TEX11: variants seen among roughly 807,000 people sequenced by gnomAD.
The protein encoded by TEX11 is testis-expressed protein 11.
In TEX11, 7 loss-of-function variants were observed where a neutral mutation model predicts 84.4. The observed-to-expected ratio is 0.08, with a 90% CI of 0.05 to 0.16. The LOEUF is 0.16. TEX11 is among the 10% of genes least tolerant of loss of function. The pLI, the probability that TEX11 is intolerant of heterozygous loss-of-function variation, is 1.00. For synonymous variants in TEX11, 264 were observed against 222.8 expected (o/e 1.18, Z -1.64); for missense variants, 551 against 660.5 (o/e 0.83, Z 1.82).
chrX:70,661,808 C>T (rs2089930835), intron 16 of TEX11, among the ~76,000 whole-genome samples: 1 of 112,096 alleles, frequency 8.9e-6, no homozygotes. Context: ...GCTGAGGGTC[C>T]TGTCTGTTAG....
intron 24 of TEX11, 106 bp downstream of exon 24, chrX:70,605,295 G>C: frequency 8.0e-6 from 4 of 498,807 alleles, no homozygotes; most frequent in Non-Finnish European, 1.3e-5. Context: ...TGCTGGAGTG[G>C]AGAAAAGGAT....
intron 17 of TEX11, among the ~76,000 whole-genome samples, chrX:70,648,483 A>G (rs1479531773): frequency 3.6e-5 from 4 of 111,123 alleles, no homozygotes; most frequent in Non-Finnish European, 7.5e-5. Flanking sequence ...TTATTTGCCA[A>G]TTAAAAAAAT....
chrX:70,559,030 T>C (rs1313432544), intron 25 of TEX11, among the ~76,000 whole-genome samples: 2 of 111,820 alleles, frequency 1.8e-5, no homozygotes, highest in Non-Finnish European at 1.9e-5. Flanking sequence ...TGATTAAACA[T>C]AGGGTTACCA....
chrX:70,600,540 C>G (rs113530466), intron 24 of TEX11, among the ~76,000 whole-genome samples: 12,380 of 109,766 alleles, frequency 0.11, 603 homozygotes, highest in Middle Eastern at 0.2. Flanking sequence ...ACAGAACTCT[C>G]CACCCCAAAT....
At chrX:70,790,546 T>A (rs2091111577) in intron 9 of TEX11, among the ~76,000 whole-genome samples, 1 of 112,345 alleles carries the variant, frequency 8.9e-6, no homozygotes, top group Admixed American at 9.4e-5. Flanking sequence ...AGCTCAAGCC[T>A]GCGCAGAGCC....
intron 16 of TEX11, among the ~76,000 whole-genome samples, chrX:70,656,270 T>C (rs1399157253): frequency 2.2e-5 from 1 of 45,421 alleles, no homozygotes; most frequent in Non-Finnish European, 7.7e-5. Flanking sequence ...ACAAAAAAAT[T>C]TTTTTAAATT....
At chrX:70,881,579 G>C (rs1318224476) in intron 2 of TEX11, among the ~76,000 whole-genome samples, 3 of 110,732 alleles carry the variant, frequency 2.7e-5, no homozygotes, top group Admixed American at 1.9e-4. Flanking sequence ...CCTTGCTACA[G>C]TAAAAAATAA....
chrX:70,633,531 C>T (rs1424402031), intron 17 of TEX11, among the ~76,000 whole-genome samples: 2 of 111,974 alleles, frequency 1.8e-5, no homozygotes, highest in African/African-American at 6.5e-5. Context: ...GAGAATCTAA[C>T]AAGAGCAACA....
At chrX:70,808,629 C>T (rs994777855) in intron 8 of TEX11, among the ~76,000 whole-genome samples, 3 of 108,939 alleles carry the variant, frequency 2.8e-5, no homozygotes, top group African/African-American at 6.7e-5. Flanking sequence ...TTTTCCATGA[C>T]GTGATTATTA....
chrX:70,714,142 C>T (rs1396315548), intron 13 of TEX11, among the ~76,000 whole-genome samples: 1 of 111,832 alleles, frequency 8.9e-6, no homozygotes, highest in Non-Finnish European at 1.9e-5. Flanking sequence ...TTTCATTGCA[C>T]TGTGGTCTGA....
At chrX:70,699,274 C>T (rs981794273) in intron 13 of TEX11, among the ~76,000 whole-genome samples, 43 of 111,675 alleles carry the variant, frequency 3.9e-4, no homozygotes, top group African/African-American at 1.2e-3. Context: ...CTAACACCAG[C>T]CACTATCTGA....
At chrX:70,677,064 T>G (rs755659986) in intron 15 of TEX11, among the ~76,000 whole-genome samples, 24 of 112,371 alleles carry the variant, frequency 2.1e-4, no homozygotes, top group Non-Finnish European at 4.5e-4. Context: ...TCATTATAGG[T>G]TGCATTTTCA....
At chrX:70,907,173 T>C (rs2091838316) in intron 2 of TEX11, among the ~76,000 whole-genome samples, 1 of 112,132 alleles carries the variant, frequency 8.9e-6, no homozygotes, top group African/African-American at 3.2e-5. Flanking sequence ...GCAGTAATTT[T>C]TTAAACTTAT....
chrX:70,513,609 C>A, the TEX11 span, among the ~76,000 whole-genome samples: 1 of 106,686 alleles, frequency 9.4e-6, no homozygotes, highest in African/African-American at 3.5e-5. Flanking sequence ...TCAAGCAATC[C>A]TCCCACCTCA....
intron 17 of TEX11, among the ~76,000 whole-genome samples, chrX:70,639,102 G>A (rs981514107): frequency 1.3e-4 from 15 of 111,745 alleles, no homozygotes; most frequent in Admixed American, 1.9e-4. Flanking sequence ...CTCACTCGGC[G>A]GGGGGAAGCG....
intron 25 of TEX11, among the ~76,000 whole-genome samples, chrX:70,575,806 C>G (rs7056410): frequency 0.083 from 9,295 of 111,535 alleles, 853 homozygotes; most frequent in African/African-American, 0.27. Context: ...CTGTATTACT[C>G]CTGGCTTCTG....
At chrX:70,692,782 G>A (rs1225547842) in intron 13 of TEX11, among the ~76,000 whole-genome samples, 2 of 111,016 alleles carry the variant, frequency 1.8e-5, no homozygotes, top group African/African-American at 3.3e-5. Context: ...TAATCAACAT[G>A]GGAGTGAAGA....
intron 8 of TEX11, among the ~76,000 whole-genome samples, chrX:70,807,430 G>A (rs1404283104): frequency 9.0e-6 from 1 of 111,720 alleles, no homozygotes; most frequent in Non-Finnish European, 1.9e-5. Flanking sequence ...TATGAATGTT[G>A]CCTTAGGAAT....
intron 13 of TEX11, among the ~76,000 whole-genome samples, chrX:70,719,923 G>T (rs1387234733): frequency 9.0e-6 from 1 of 111,333 alleles, no homozygotes; most frequent in Non-Finnish European, 1.9e-5. Context: ...CTGTTGGTGG[G>T]ACTGTAAACT....
Sources: allele counts gnomAD v4.1 joint callset (sites outside exome capture counted in the v4.1 genomes callset), GRCh38; gene constraint gnomAD v4.1.1; transcripts MANE v1.5; gene names NCBI Gene and HGNC (gene_info 2026-07-23, HGNC 2026-07-21).